SH3GL3: variants seen among roughly 807,000 people sequenced by gnomAD.
The protein encoded by SH3GL3 is endophilin-A3.
Under a neutral mutation model 47.7 loss-of-function variants are expected in SH3GL3, and 33 were observed. The observed-to-expected ratio is 0.69, with a 90% confidence interval of 0.52 to 0.92. The LOEUF is 0.92. Ranked by LOEUF, SH3GL3 falls within the 40% of genes least tolerant of loss-of-function variation. SH3GL3 has a pLI of 0.00. For missense variants in SH3GL3, 363 were observed against 417.8 expected (o/e 0.87, Z 1.14); for synonymous variants, 155 against 148.8 (o/e 1.04, Z -0.30).
intron 8 of SH3GL3, among the ~76,000 whole-genome samples, chr15:83,612,862 T>G (rs998680573): frequency 1.3e-5 from 2 of 152,220 alleles, no homozygotes; most frequent in African/African-American, 4.8e-5. Flanking sequence ...TCTCTCTCTC[T>G]CTCGCTCTTA....
rs1377004448 is a variant in SH3GL3, at chr15:83,612,885, G to A, written c.839-5197G>A. 2.0e-5 allele frequency among the ~76,000 whole-genome samples: 3 copies of A among 152,114 alleles called. No individual in the cohort carries two copies. In the East Asian group the frequency reaches 5.8e-4, roughly 29 times the overall value. On this transcript the variant is annotated intron_variant, in intron 8 of 8. Coordinates refer to ENST00000427482, the MANE Select transcript of SH3GL3 (RefSeq NM_003027.5). ...TCTCTCGCTCTTAAATCTTATAAAAGCCTACCTGGCTCTAGCATGAAAGCC... is the reference window on the plus strand; with the variant it reads ...TCTCTCGCTCTTAAATCTTATAAAAACCTACCTGGCTCTAGCATGAAAGCC...
chr15:83,563,913 C>A (rs1055297508), intron 2 of SH3GL3, among the ~76,000 whole-genome samples: 7 of 152,174 alleles, frequency 4.6e-5, no homozygotes, highest in Admixed American at 2.0e-4. Context: ...GCTGGGATTA[C>A]AGGTGTGTCC....
chr15:83,465,135 C>T (rs1043290553), intron 1 of SH3GL3, among the ~76,000 whole-genome samples: 1 of 151,092 alleles, frequency 6.6e-6, no homozygotes, highest in Non-Finnish European at 1.5e-5. Context: ...CGTGGTGAAA[C>T]CCCGTCTCTA....
chr15:83,481,892 T>C (rs2041374807), intron 1 of SH3GL3, among the ~76,000 whole-genome samples: 1 of 152,182 alleles, frequency 6.6e-6, no homozygotes. Flanking sequence ...TAGAGAGGCA[T>C]TGAAATCTGT....
At chr15:83,624,303 A>T in the SH3GL3 span, among the ~76,000 whole-genome samples, 1 of 152,106 alleles carries the variant, frequency 6.6e-6, no homozygotes. Flanking sequence ...ACTGGGTTTC[A>T]TTCAAATCTC....
At chr15:83,619,871 G>T (rs1272968812), downstream of SH3GL3, among the ~76,000 whole-genome samples, 1 of 152,162 alleles carries the variant, frequency 6.6e-6, no homozygotes, top group East Asian at 1.9e-4. Context: ...TCTGTCACAT[G>T]CAATGCTGCT....
chr15:83,447,437 G>T lies in SH3GL3; in HGVS notation c.-97G>T, dbSNP rs540132599. On this transcript the variant is annotated 5_prime_UTR_variant, in exon 1 of 9. Coordinates refer to ENST00000427482, the MANE Select transcript of SH3GL3 (RefSeq NM_003027.5). This position sits in a 1 kb window ranked among gnomAD's most constrained non-coding sequence, Gnocchi z 5.1. ...GGCGGGCCCGGCGGAGCCCAGCCGC[G>T]GGGGGACCGGCCCGGGCTCCCGCTC... is the stretch of plus-strand genomic sequence containing the variant. 9.2e-7 allele frequency: 1 copy of T among 1,082,502 alleles called. No individual in the cohort carries two copies. The highest frequency in any genetic ancestry group is 1.2e-6 in the Non-Finnish European group (1 of 828,926). 67.1% of individuals were successfully genotyped at this position (1,082,502 alleles called of 1,614,324 possible).
At chr15:83,531,195 T>G (rs553343643) in intron 1 of SH3GL3, among the ~76,000 whole-genome samples, 57 of 152,312 alleles carry the variant, frequency 3.7e-4, no homozygotes, top group African/African-American at 1.3e-3. Context: ...ATGAGTAATA[T>G]TCATGAGTAA....
intron 1 of SH3GL3, among the ~76,000 whole-genome samples, chr15:83,457,996 G>A (rs1267931830): frequency 3.3e-5 from 5 of 152,048 alleles, no homozygotes; most frequent in African/African-American, 7.2e-5. Context: ...ATTAACAAAC[G>A]GAATGTAAAT....
At chr15:83,499,728 A>G (rs2042221259) in intron 1 of SH3GL3, among the ~76,000 whole-genome samples, 1 of 152,198 alleles carries the variant, frequency 6.6e-6, no homozygotes, top group Admixed American at 6.5e-5. Flanking sequence ...CCAACTGTAA[A>G]CCTGAGTAAA....
chr15:83,494,586 A>T (rs1407385150), intron 1 of SH3GL3, among the ~76,000 whole-genome samples: 1 of 148,560 alleles, frequency 6.7e-6, no homozygotes, highest in Non-Finnish European at 1.5e-5. Flanking sequence ...TCTGTCACCC[A>T]GGCTGGAGTG....
chr15:83,617,965 T>G, intron 8 of SH3GL3, 117 bp from the exon 9 acceptor site: 1 of 701,754 alleles, frequency 1.4e-6, no homozygotes. Context: ...GCTGGCCTTG[T>G]GGGAAGGAAG....
At chr15:83,601,602 A>T (rs768655598) in intron 8 of SH3GL3, among the ~76,000 whole-genome samples, 1 of 152,154 alleles carries the variant, frequency 6.6e-6, no homozygotes, top group Non-Finnish European at 1.5e-5. Context: ...TTTAGCTAGT[A>T]TATTGTCAAG....
At chr15:83,550,930 C>T (rs1250249892) in intron 1 of SH3GL3, among the ~76,000 whole-genome samples, 1 of 152,102 alleles carries the variant, frequency 6.6e-6, no homozygotes, top group Non-Finnish European at 1.5e-5. Context: ...TGCTTTTTTA[C>T]ATTTTCTCTT....
At chr15:83,605,888 AC>A (rs1266284130) in intron 8 of SH3GL3, among the ~76,000 whole-genome samples, 6 of 152,108 alleles carry the variant, frequency 3.9e-5, no homozygotes, top group Admixed American at 3.9e-4. Context: ...CCAGAAAACC[AC>A]TGATGTTGAA....
chr15:83,579,760 A>G (rs1413489098), intron 6 of SH3GL3, among the ~76,000 whole-genome samples: 1 of 152,078 alleles, frequency 6.6e-6, no homozygotes, highest in Admixed American at 6.5e-5. Context: ...AGACTCAGAG[A>G]TGATTGTTTA....
chr15:83,515,854 C>T (rs2042957160), intron 1 of SH3GL3, among the ~76,000 whole-genome samples: 4 of 152,092 alleles, frequency 2.6e-5, no homozygotes, highest in South Asian at 2.1e-4. Flanking sequence ...CACACACACT[C>T]GTGAAGTTAT....
chr15:83,612,931 A>G (rs144544310), intron 8 of SH3GL3, among the ~76,000 whole-genome samples: 29 of 152,284 alleles, frequency 1.9e-4, no homozygotes, highest in African/African-American at 4.8e-4. Context: ...GGCTTTCACA[A>G]TGTTTCACAA....
At chr15:83,621,361 G>T (rs1171397308), downstream of SH3GL3, among the ~76,000 whole-genome samples, 1 of 152,108 alleles carries the variant, frequency 6.6e-6, no homozygotes, top group Admixed American at 6.5e-5. Flanking sequence ...AACACTTAGA[G>T]GCCATTGTAG....
Sources: gnomAD v4.1 joint callset for allele counts (sites outside exome capture counted in the v4.1 genomes callset) on GRCh38, gnomAD v4.1.1 for gene constraint, Gnocchi (gnomAD v3.1) non-coding constraint, MANE v1.5 for transcripts, NCBI Gene and HGNC (gene_info 2026-07-23, HGNC 2026-07-21) for gene names.